PHYHIPL: variants seen among roughly 807,000 people sequenced by gnomAD.
PHYHIPL encodes phytanoyl-CoA hydroxylase-interacting protein-like.
PHYHIPL carries 9 observed loss-of-function variants against 33.4 expected under a neutral mutation model. That is an observed-to-expected ratio of 0.27 (90% CI 0.16 to 0.47). The LOEUF is 0.47. PHYHIPL is among the 20% of genes least tolerant of loss of function. The pLI, the probability that PHYHIPL is intolerant of heterozygous loss-of-function variation, is 0.99. For synonymous variants in PHYHIPL, 153 were observed against 154.1 expected (o/e 0.99, Z 0.05); for missense variants, 365 against 460.7 (o/e 0.79, Z 1.90).
chr10:59,229,121 G>T (rs1186781484), intron 1 of PHYHIPL, among the ~76,000 whole-genome samples: 1 of 151,974 alleles, frequency 6.6e-6, no homozygotes, highest in Non-Finnish European at 1.5e-5. Context: ...ATCAAATTGG[G>T]GTATCCACTT....
Position 59,227,975 on chromosome 10 carries a change from G to GATATATATATATATATATATATATAT in PHYHIPL, c.107-6317_107-6316insATATATATATATATATATATATATAT, listed in dbSNP as rs1554799094. 6.1e-3 allele frequency among the ~76,000 whole-genome samples: 887 copies of GATATATATATATATATATATATATAT among 145,370 alleles called. 11 individuals carry two copies. Among genetic ancestry groups the GATATATATATATATATATATATATAT allele is most frequent in the African/African-American group, 0.015 (547 of 37,538 alleles). On this transcript the variant is annotated intron_variant, in intron 1 of 4. Transcript: ENST00000373880. ...TAAGATTTTAATTTTTGCCTATTGA[G>GATATATATATATATATATATATATAT]ATATATATATATGTTTTAAATAACA...
At chr10:59,230,669 A>G (rs1488319655) in intron 1 of PHYHIPL, among the ~76,000 whole-genome samples, 2 of 152,180 alleles carry the variant, frequency 1.3e-5, no homozygotes, top group South Asian at 4.1e-4. Flanking sequence ...GCCAAAGTTA[A>G]TGATGCCCTG....
At chr10:59,196,178 A>T (rs947244899) in intron 1 of PHYHIPL, among the ~76,000 whole-genome samples, 3 of 152,158 alleles carry the variant, frequency 2.0e-5, no homozygotes, top group African/African-American at 4.8e-5. Context: ...AGAATTGGTC[A>T]TTGAATTGCT....
chr10:59,233,333 T>C (rs1359876571), intron 1 of PHYHIPL, among the ~76,000 whole-genome samples: 2 of 151,832 alleles, frequency 1.3e-5, no homozygotes, highest in East Asian at 3.9e-4. Flanking sequence ...AAGGTGAACA[T>C]TCACTGTTGT....
chr10:59,219,664 A>G (rs1281649058), intron 1 of PHYHIPL, among the ~76,000 whole-genome samples: 1 of 152,136 alleles, frequency 6.6e-6, no homozygotes. Flanking sequence ...TGTCAATTAC[A>G]TGAATTTGCT....
chr10:59,208,824 T>C (rs1251671053), intron 1 of PHYHIPL, among the ~76,000 whole-genome samples: 2 of 151,640 alleles, frequency 1.3e-5, no homozygotes, highest in Non-Finnish European at 2.9e-5. Context: ...AGAAAAGATA[T>C]CAGAGATTGA....
At chr10:59,186,509 A>T (rs1214701496) in intron 1 of PHYHIPL, among the ~76,000 whole-genome samples, 1 of 152,138 alleles carries the variant, frequency 6.6e-6, no homozygotes, top group South Asian at 2.1e-4. Context: ...GAAGAAAGTC[A>T]TTGGTAGCTT....
At chr10:59,180,328 A>ATATATATATATAGAAAAAG (rs1554854147) in intron 1 of PHYHIPL, among the ~76,000 whole-genome samples, 4 of 54,442 alleles carry the variant, frequency 7.3e-5, no homozygotes, top group African/African-American at 1.9e-4. Context: ...ATATATATAT[A>ATATATATATATAGAAAAAG]TATATATATA....
chr10:59,219,168 C>A, intron 1 of PHYHIPL: 1 of 743,128 alleles, frequency 1.3e-6, no homozygotes, highest in Non-Finnish European at 1.6e-6. Flanking sequence ...TTTGATGCCT[C>A]ATAATCATAT....
intron 1 of PHYHIPL, among the ~76,000 whole-genome samples, chr10:59,221,146 A>G (rs1839760849): frequency 6.6e-6 from 1 of 151,928 alleles, no homozygotes; most frequent in Non-Finnish European, 1.5e-5. Flanking sequence ...TTAATCATAT[A>G]ATTGTTTGAT....
chr10:59,229,322 T>G (rs895169855), intron 1 of PHYHIPL, among the ~76,000 whole-genome samples: 1 of 152,174 alleles, frequency 6.6e-6, no homozygotes, highest in Non-Finnish European at 1.5e-5. Context: ...ATTCATCAGG[T>G]AAATACACAT....
chr10:59,202,741 CCTGT>C (rs1839157167), intron 1 of PHYHIPL, among the ~76,000 whole-genome samples: 1 of 152,172 alleles, frequency 6.6e-6, no homozygotes, highest in Non-Finnish European at 1.5e-5. Flanking sequence ...GGTTAAATTA[CCTGT>C]CTAATTTCAT....
chr10:59,185,841 G>T (rs1398104876), intron 1 of PHYHIPL, among the ~76,000 whole-genome samples: 3 of 152,130 alleles, frequency 2.0e-5, no homozygotes, highest in East Asian at 1.9e-4. Context: ...ATTTGTTTGA[G>T]TTCATTGTAG....
chr10:59,206,813 A>T (rs760025635), intron 1 of PHYHIPL: 138 of 1,220,050 alleles, frequency 1.1e-4, no homozygotes, highest in Non-Finnish European at 1.4e-4. Context: ...CCATTGGTTC[A>T]TGGCAAGTTA....
At chr10:59,223,790 G>C (rs776138923) in intron 1 of PHYHIPL, among the ~76,000 whole-genome samples, 38 of 151,994 alleles carry the variant, frequency 2.5e-4, no homozygotes, top group Non-Finnish European at 5.3e-4. Context: ...CTCCCAAGTA[G>C]CTGAGACTAG....
chr10:59,217,283 T>G (rs1026877965), intron 1 of PHYHIPL, among the ~76,000 whole-genome samples: 133 of 152,252 alleles, frequency 8.7e-4, no homozygotes, highest in African/African-American at 3.1e-3. Context: ...AGCAGTGATA[T>G]GAATACAAAT....
intron 1 of PHYHIPL, chr10:59,177,416 C>G: frequency 6.9e-7 from 1 of 1,443,886 alleles, no homozygotes; most frequent in Non-Finnish European, 9.2e-7. Flanking sequence ...TTTTTTAAAC[C>G]TCCCATCCTC....
intron 1 of PHYHIPL, among the ~76,000 whole-genome samples, chr10:59,207,786 G>A (rs1839328503): frequency 6.6e-6 from 1 of 151,986 alleles, no homozygotes; most frequent in African/African-American, 2.4e-5. Flanking sequence ...AGCTACTTGG[G>A]AGGCTGAGGC....
intron 4 of PHYHIPL, among the ~76,000 whole-genome samples, chr10:59,239,908 T>G (rs1306021293): frequency 6.6e-6 from 1 of 152,022 alleles, no homozygotes; most frequent in Non-Finnish European, 1.5e-5. Flanking sequence ...TGAAAAATAT[T>G]TAGGAAACTT....
Sources: allele counts gnomAD v4.1 joint callset (sites outside exome capture counted in the v4.1 genomes callset), GRCh38; gene constraint gnomAD v4.1.1; transcripts MANE v1.5; gene names NCBI Gene and HGNC (gene_info 2026-07-23, HGNC 2026-07-21).